Variants in REPS2 observed in about 807,000 individuals in gnomAD.
The protein encoded by REPS2 is RALBP1 associated Eps domain containing 2, also known as ralBP1-associated Eps domain-containing protein 2.
A neutral mutation model predicts 53.6 loss-of-function variants in REPS2; 23 were observed. The ratio of observed to expected loss-of-function variants is 0.43; its 90% CI spans 0.31 to 0.61. The LOEUF (loss-of-function observed/expected upper bound fraction) is 0.61, where lower values mean the gene tolerates loss of function less well. REPS2 is among the 20% of genes least tolerant of loss of function. The probability of loss-of-function intolerance (pLI) is 0.11; values close to 1 mark genes in which losing one functional copy is unlikely to be tolerated. For synonymous variants in REPS2, 238 were observed against 218.6 expected, an observed-to-expected ratio of 1.09 and a Z score of -0.78; for missense variants, 446 against 534.9, an observed-to-expected ratio of 0.83 and a Z score of 1.64.
At chrX:17,049,960 A>G (rs1203018327) in intron 6 of REPS2, among the ~76,000 whole-genome samples, 3 of 106,493 alleles carry the variant, frequency 2.8e-5, no homozygotes, top group Non-Finnish European at 5.8e-5. Flanking sequence ...ACAGTAGTGT[A>G]CAGTAATGTC....
intron 13 of REPS2, among the ~76,000 whole-genome samples, chrX:17,100,999 T>G (rs1370104027): frequency 9.0e-6 from 1 of 111,172 alleles, no homozygotes; most frequent in South Asian, 3.8e-4. Flanking sequence ...CTCTCAGAAT[T>G]TAATGAGGAA....
chrX:17,098,613 T>TGG (rs2062740796), intron 13 of REPS2, among the ~76,000 whole-genome samples: 1 of 108,661 alleles, frequency 9.2e-6, no homozygotes, highest in South Asian at 3.9e-4. Flanking sequence ...AATGGTTTTG[T>TGG]GTGTGTGTGT....
At chrX:17,129,294 T>A (rs573267023) in intron 14 of REPS2, among the ~76,000 whole-genome samples, 5 of 112,505 alleles carry the variant, frequency 4.4e-5, no homozygotes, top group African/African-American at 1.6e-4. Flanking sequence ...CCTCAAACTA[T>A]TTTTATGAAG....
intron 15 of REPS2, among the ~76,000 whole-genome samples, chrX:17,134,973 C>T (rs1175295690): frequency 9.0e-6 from 1 of 110,764 alleles, no homozygotes; most frequent in Non-Finnish European, 1.9e-5. Flanking sequence ...ATCTTGTCTT[C>T]AGTTAGGAAA....
At chrX:17,049,461 A>T (rs959714587) in intron 6 of REPS2, among the ~76,000 whole-genome samples, 1 of 112,000 alleles carries the variant, frequency 8.9e-6, no homozygotes, top group Non-Finnish European at 1.9e-5. Context: ...TTAACCAAAA[A>T]GTTTATACGT....
At chrX:17,055,136 G>A (rs2062050813) in intron 8 of REPS2, among the ~76,000 whole-genome samples, 186 bp downstream of exon 8, 1 of 93,610 alleles carries the variant, frequency 1.1e-5, no homozygotes, top group Non-Finnish European at 2.1e-5. Context: ...TTTTTTGGCT[G>A]CATAAATGTC....
intron 1 of REPS2, among the ~76,000 whole-genome samples, chrX:16,980,425 C>G (rs1384557185): frequency 9.0e-6 from 1 of 111,394 alleles, no homozygotes; most frequent in African/African-American, 3.3e-5. Flanking sequence ...GCCTCAGCCT[C>G]CCGAGTAGTT....
chrX:17,179,502 G>A, the REPS2 span, among the ~76,000 whole-genome samples: 1 of 111,595 alleles, frequency 9.0e-6, no homozygotes, highest in East Asian at 2.8e-4. Flanking sequence ...AACCATATAA[G>A]TGAACCATCT....
chrX:17,011,517 C>A (rs1373531176), intron 2 of REPS2, among the ~76,000 whole-genome samples: 1 of 111,318 alleles, frequency 9.0e-6, no homozygotes, highest in Non-Finnish European at 1.9e-5. Context: ...GCCTGTGGGC[C>A]CTTTCTCAGA....
intron 2 of REPS2, among the ~76,000 whole-genome samples, chrX:17,007,733 G>C (rs1276314652): frequency 8.9e-6 from 1 of 112,269 alleles, no homozygotes; most frequent in Non-Finnish European, 1.9e-5. Context: ...ATTCTCTCCT[G>C]TGCCTGCAAG....
At chrX:17,083,077 CTTTTTTT>C (rs746229224) in intron 13 of REPS2, among the ~76,000 whole-genome samples, 1 of 80,582 alleles carries the variant, frequency 1.2e-5, no homozygotes, top group Non-Finnish European at 2.3e-5. Context: ...GTTCCGAGCA[CTTTTTTT>C]TTTTTTTTTT....
rs186545093 is a variant in REPS2 at position 17,017,037 on chromosome X, T to G, written c.398-5086T>G. On this transcript the variant is annotated intron_variant, in intron 2 of 17. Transcript: ENST00000357277. The stretch of plus-strand genomic sequence containing the variant: ...CCTAGACTGGAGTGTAATGGTGCTG[T>G]TTCAGTTCACTGTAACCTCCACCTT... Among the ~76,000 whole-genome samples, 29 of 111,448 alleles carry G rather than the reference T, an allele frequency of 2.6e-4. No individual in the cohort carries two copies. In the Admixed American group the frequency reaches 2.7e-3, roughly 10 times the overall value.
intron 1 of REPS2, among the ~76,000 whole-genome samples, chrX:16,959,699 G>GC (rs1391378930): frequency 1.8e-5 from 2 of 111,762 alleles, no homozygotes; most frequent in Non-Finnish European, 3.8e-5. Context: ...AAAAGAAAAA[G>GC]CCCAGGACCA....
At chrX:17,091,218 A>G (rs936405680) in intron 13 of REPS2, among the ~76,000 whole-genome samples, 1 of 112,314 alleles carries the variant, frequency 8.9e-6, no homozygotes, top group Non-Finnish European at 1.9e-5. Context: ...TAGATAGTAT[A>G]TAGTAGCTTA....
intron 17 of REPS2, among the ~76,000 whole-genome samples, chrX:17,146,330 G>T (rs1221502854): frequency 9.1e-6 from 1 of 110,018 alleles, no homozygotes; most frequent in African/African-American, 3.3e-5. Flanking sequence ...CTTTGCAGTT[G>T]CCCTTTTGTC....
At chrX:17,067,162 C>T (rs1336207276) in intron 9 of REPS2, among the ~76,000 whole-genome samples, 2 of 111,783 alleles carry the variant, frequency 1.8e-5, no homozygotes, top group African/African-American at 6.5e-5. Context: ...GTCTTCCTCC[C>T]ATCTACCAAC....
chrX:17,101,414 T>G (rs985718485), intron 13 of REPS2, among the ~76,000 whole-genome samples: 1 of 111,334 alleles, frequency 9.0e-6, no homozygotes, highest in Non-Finnish European at 1.9e-5. Context: ...GACACATACC[T>G]GTGATACTGT....
Position 17,029,431 on chromosome X carries a change from C to T in REPS2, c.674-95C>T, listed in dbSNP as rs1019009808. 6 of 602,555 alleles carry T rather than the reference C, an allele frequency of 1.0e-5. No individual in the cohort carries two copies. The Admixed American group carries it at 1.3e-4, about 13-fold the overall frequency. 49.7% of individuals were successfully genotyped at this position (602,555 alleles called of 1,213,427 possible). On this transcript the variant is annotated intron_variant, in intron 4 of 17. Transcript: ENST00000357277. Reference sequence around the variant, plus strand: ...TGAGTATTCTGTTGCCAGTTCTTTCCTGAAAAGCAGATGCTGTATCAGTTT... The same window carrying T: ...TGAGTATTCTGTTGCCAGTTCTTTCTTGAAAAGCAGATGCTGTATCAGTTT...
chrX:17,029,891 A>G (rs915205395), intron 5 of REPS2, among the ~76,000 whole-genome samples: 3 of 112,072 alleles, frequency 2.7e-5, no homozygotes, highest in Non-Finnish European at 3.8e-5. Context: ...GCCTTCACCT[A>G]TCTAATCATT....
Sources: allele counts gnomAD v4.1 joint callset (sites outside exome capture counted in the v4.1 genomes callset), GRCh38; gene constraint gnomAD v4.1.1; transcripts MANE v1.5; gene names NCBI Gene and HGNC (gene_info 2026-07-23, HGNC 2026-07-21).